DNMBP: variants seen among roughly 807,000 people sequenced by gnomAD.
DNMBP encodes dynamin binding protein, also known as dynamin-binding protein.
DNMBP carries 87 observed loss-of-function variants against 150.0 expected under a neutral mutation model. That is an observed-to-expected ratio of 0.58 (90% CI 0.49 to 0.69). The LOEUF (loss-of-function observed/expected upper bound fraction) is 0.69, where lower values mean the gene tolerates loss of function less well. Ranked by LOEUF, DNMBP falls within the 30% of genes least tolerant of loss-of-function variation. The pLI is 0.00. For missense variants in DNMBP, 1,774 were observed against 1,949.0 expected, an observed-to-expected ratio of 0.91 and a Z score of 1.69; for synonymous variants, 711 against 750.4, an observed-to-expected ratio of 0.95 and a Z score of 0.86.
At position 99,877,185 on chromosome 10, in the gene DNMBP, G is replaced by A. The variant is rs2039288868; in HGVS notation, c.4700C>T (p.Pro1567Leu). Residue 1567 changes from proline to leucine, a missense_variant, in exon 17 of 17, where the codon CCC (proline) becomes CTC (leucine). Pro to Leu is a moderately conservative substitution (Grantham distance 98). Coordinates refer to ENST00000324109, the MANE Select transcript of DNMBP (RefSeq NM_015221.4). Reference sequence around the variant, plus strand: ...CTCGGTTTTGCGGATATAATTGGAGGGAACGTAGCCCTTCTTCCCGTTAAC... The same window carrying A: ...CTCGGTTTTGCGGATATAATTGGAGAGAACGTAGCCCTTCTTCCCGTTAAC... ...AEVNGKKGYV[P>L]SNYIRKTEYT 6.2e-7 allele frequency: 1 copy of A among 1,612,462 alleles called. No homozygotes were observed. The highest frequency in any genetic ancestry group is 8.5e-7 in the Non-Finnish European group (1 of 1,179,400).
intron 1 of DNMBP, among the ~76,000 whole-genome samples, chr10:99,998,233 CAA>C (rs112662710): frequency 6.1e-5 from 8 of 130,452 alleles, no homozygotes; most frequent in Admixed American, 7.9e-5. Flanking sequence ...GACTCCGTCT[CAA>C]AAAAAAAAAA....
At chr10:99,891,731 CACCTCTTCCCG>C (rs2039565761) in intron 11 of DNMBP, among the ~76,000 whole-genome samples, 5 of 145,178 alleles carry the variant, frequency 3.4e-5, no homozygotes, top group African/African-American at 1.4e-4. Context: ...AAGTGAGGAG[CACCTCTTCCCG>C]GCCGCCATCA....
intron 4 of DNMBP, among the ~76,000 whole-genome samples, chr10:99,940,274 T>G (rs1238745920): frequency 6.6e-6 from 1 of 152,242 alleles, no homozygotes; most frequent in Non-Finnish European, 1.5e-5. Context: ...TTGATAGCCC[T>G]GGACTTAAAT....
At chr10:99,974,314 G>C (rs1235482761) in intron 1 of DNMBP, among the ~76,000 whole-genome samples, 1 of 152,112 alleles carries the variant, frequency 6.6e-6, no homozygotes, top group Non-Finnish European at 1.5e-5. Flanking sequence ...GTAATAAGAC[G>C]ATGTGTCCAT....
chr10:99,929,750 T>C (rs1390288013), intron 4 of DNMBP: 16 of 702,906 alleles, frequency 2.3e-5, no homozygotes, highest in Middle Eastern at 4.6e-4. Flanking sequence ...TCTTCTCTAA[T>C]GACGAGCTCT....
At chr10:99,966,320 C>A (rs1471197856) in intron 3 of DNMBP, among the ~76,000 whole-genome samples, 1 of 152,212 alleles carries the variant, frequency 6.6e-6, no homozygotes, top group Non-Finnish European at 1.5e-5. Flanking sequence ...AGTGTATCCC[C>A]CTGCCCACAT....
At chr10:99,966,989 G>A (rs980725647) in intron 3 of DNMBP, among the ~76,000 whole-genome samples, 18 of 147,560 alleles carry the variant, frequency 1.2e-4, no homozygotes, top group Non-Finnish European at 7.4e-5. Flanking sequence ...TAGAGACAGC[G>A]TCCTGCCATG....
At chr10:99,915,389 C>T (rs911445204) in intron 4 of DNMBP, among the ~76,000 whole-genome samples, 6 of 136,572 alleles carry the variant, frequency 4.4e-5, no homozygotes, top group Non-Finnish European at 9.5e-5. Context: ...TTTAACCTCA[C>T]AGGAACAAAA....
intron 3 of DNMBP, among the ~76,000 whole-genome samples, chr10:99,967,622 T>C (rs1022063814): frequency 6.6e-6 from 1 of 152,248 alleles, no homozygotes; most frequent in Admixed American, 6.5e-5. Flanking sequence ...AATCCATTAT[T>C]CCATTCTTAT....
rs1590206961 is a variant in DNMBP at position 99,880,513 on chromosome 10, C to T, written c.3998-152G>A. 9.0e-6 allele frequency: 10 copies of T among 1,112,274 alleles called. No individual in the cohort carries two copies. The East Asian group carries it at 2.6e-4, about 29-fold the overall frequency. 68.9% of individuals were successfully genotyped at this position (1,112,274 alleles called of 1,614,324 possible). A position where few individuals can be genotyped will look rare whatever the true frequency, so the allele number is the denominator to read the frequency against. On this transcript the variant is annotated intron_variant, in intron 15 of 16. Transcript: ENST00000324109. Reference sequence around the variant, plus strand: ...CAAAAGCCAGGCCAATAGTGAGAGACACAAAATAAAATGCCTAGTGACAAA... The same window carrying T: ...CAAAAGCCAGGCCAATAGTGAGAGATACAAAATAAAATGCCTAGTGACAAA...
Position 99,955,925 on chromosome 10 carries a change from T to C in DNMBP, c.1549A>G (p.Ile517Val), listed in dbSNP as rs1023092067. Residue 517 changes from isoleucine to valine, a missense_variant, in exon 4 of 17, where the codon ATC (isoleucine) becomes GTC (valine). By Grantham distance (29) the Ile-to-Val change is conservative (BLOSUM62 3). Around this residue, in one of 2 missense-constraint regions of DNMBP, gnomAD observed 1,430 missense variants for 1,492.5 expected, o/e 0.96. Coordinates refer to ENST00000324109, the MANE Select transcript of DNMBP (RefSeq NM_015221.4). ...KKHHTSSVYS[I>V]SERLEMKPGP... ...GGCTTCATCTCCAATCTCTCTGAGA[T>C]GGAGTAAACACTGGACGTGTGGTGC... 7.4e-6 allele frequency: 12 copies of C among 1,614,022 alleles called. 1 individual carries two copies. The highest frequency in any genetic ancestry group is 3.3e-5 in the Admixed American group (2 of 59,992).
chr10:99,885,749 T>C lies in DNMBP; in HGVS notation c.3736A>G (p.Lys1246Glu). The change falls in exon 14 of 17, where the codon AAG (lysine) becomes GAG (glutamate). Residue 1246 changes from lysine (K) to glutamate (E), a missense_variant. Lys to Glu is a moderately conservative substitution (Grantham distance 56, BLOSUM62 1). This residue lies in a region of DNMBP where 1,430 missense variants were observed against 1,492.5 expected (regional missense o/e 0.96). Transcript: ENST00000324109. The part of the protein sequence containing the change: ...TFFPESLPAT[K>E]KPFERKTIDR... The stretch of plus-strand genomic sequence containing the variant: ...ATGGTTTTCCTCTCAAATGGCTTCT[T>C]GGTAGCTGGAAGAGACTCCGGGAAG... 7 of 1,601,786 alleles carry C rather than the reference T, an allele frequency of 4.4e-6. No homozygotes were observed. Among genetic ancestry groups the C allele is most frequent in the Non-Finnish European group, 6.0e-6 (7 of 1,173,110 alleles).
chr10:99,902,304 T>C (rs2039753974), intron 6 of DNMBP, among the ~76,000 whole-genome samples: 1 of 41,524 alleles, frequency 2.4e-5, no homozygotes, highest in Non-Finnish European at 5.4e-5. Flanking sequence ...GCCTCCCTTC[T>C]TTTTTTTTTT....
chr10:99,938,483 G>A (rs920548832), intron 4 of DNMBP, among the ~76,000 whole-genome samples: 1 of 152,198 alleles, frequency 6.6e-6, no homozygotes, highest in Non-Finnish European at 1.5e-5. Context: ...GGCGGAGGTT[G>A]CAGTGAGCCA....
chr10:99,913,715 C>T (rs545229112), intron 4 of DNMBP, among the ~76,000 whole-genome samples: 49 of 152,258 alleles, frequency 3.2e-4, no homozygotes, highest in Middle Eastern at 3.4e-3. Flanking sequence ...TCACCAGGCT[C>T]ACTTCCTAAA....
chr10:99,953,648 C>T (rs568986572), intron 4 of DNMBP, among the ~76,000 whole-genome samples: 9 of 152,072 alleles, frequency 5.9e-5, no homozygotes, highest in African/African-American at 2.2e-4. Flanking sequence ...GACAAAACCC[C>T]ATCTCTGCTA....
chr10:99,912,637 T>A (rs2039914902), intron 4 of DNMBP, among the ~76,000 whole-genome samples: 1 of 152,158 alleles, frequency 6.6e-6, no homozygotes, highest in Admixed American at 6.5e-5. Context: ...CAAACCTGGG[T>A]GGGACCGGGG....
intron 4 of DNMBP, among the ~76,000 whole-genome samples, chr10:99,936,367 G>C (rs1449376443): frequency 6.6e-6 from 1 of 152,116 alleles, no homozygotes; most frequent in Non-Finnish European, 1.5e-5. Flanking sequence ...CAAAAGTGGT[G>C]ATTATTGGTA....
chr10:100,002,173 A>G (rs1272536058), intron 1 of DNMBP, among the ~76,000 whole-genome samples: 2 of 152,200 alleles, frequency 1.3e-5, no homozygotes, highest in Admixed American at 6.5e-5. Flanking sequence ...CCCCACCCCA[A>G]TAAAAAACAG....
Sources: gnomAD v4.1 joint callset for allele counts (sites outside exome capture counted in the v4.1 genomes callset) on GRCh38, gnomAD v4.1.1 for gene constraint, gnomAD v4.1.1 regional missense constraint, MANE v1.5 for transcripts, NCBI Gene and HGNC (gene_info 2026-07-23, HGNC 2026-07-21) for gene names.